Variants in MICU2 observed in about 807,000 individuals in gnomAD.
The protein encoded by MICU2 is calcium uptake protein 2, mitochondrial.
Under a neutral mutation model 60.4 loss-of-function variants are expected in MICU2, and 64 were observed. The observed-to-expected ratio is 1.06, with a 90% CI of 0.87 to 1.31. MICU2 has a LOEUF of 1.31. Ranked by LOEUF, MICU2 falls within the 50% of genes most tolerant of loss-of-function variation. The pLI is 0.00. For synonymous variants in MICU2, 201 were observed against 175.0 expected, an observed-to-expected ratio of 1.15 and a Z score of -1.17; for missense variants, 569 against 531.0, an observed-to-expected ratio of 1.07 and a Z score of -0.70.
intron 1 of MICU2, chr13:21,602,893 A>G (rs1888857601): frequency 6.6e-6 from 1 of 152,262 alleles, no homozygotes; most frequent in East Asian, 1.9e-4. Flanking sequence ...TAAGTCTACA[A>G]AAATTTTAAA....
chr13:21,500,548 G>A (rs1049663210), intron 9 of MICU2, among the ~76,000 whole-genome samples: 4 of 151,008 alleles, frequency 2.6e-5, no homozygotes, highest in Admixed American at 2.0e-4. Flanking sequence ...CTGAGTAGCT[G>A]GGACTACAGG....
At chr13:21,574,304 G>A (rs1888177248) in intron 1 of MICU2, among the ~76,000 whole-genome samples, 1 of 152,190 alleles carries the variant, frequency 6.6e-6, no homozygotes, top group Admixed American at 6.5e-5. Flanking sequence ...AGGAGCAGAA[G>A]AAATGCTGGG....
chr13:21,527,062 C>CA (rs1319105465), intron 4 of MICU2, among the ~76,000 whole-genome samples: 3 of 151,852 alleles, frequency 2.0e-5, no homozygotes, highest in African/African-American at 7.3e-5. Context: ...TTTGAATTAC[C>CA]AACTTTTTGT....
chr13:21,501,410 CT>C (rs1886153664), intron 9 of MICU2, among the ~76,000 whole-genome samples: 1 of 152,024 alleles, frequency 6.6e-6, no homozygotes, highest in South Asian at 2.1e-4. Flanking sequence ...CTACAGGCAC[CT>C]GCCACCATGC....
chr13:21,532,936 C>T (rs935429600), intron 4 of MICU2, among the ~76,000 whole-genome samples: 4 of 151,750 alleles, frequency 2.6e-5, no homozygotes, highest in African/African-American at 9.7e-5. Flanking sequence ...TTTAAGTTTA[C>T]ATAAGGTAGG....
At chr13:21,566,500 A>ATT (rs374021304) in intron 2 of MICU2, among the ~76,000 whole-genome samples, 4 of 147,078 alleles carry the variant, frequency 2.7e-5, no homozygotes, top group Admixed American at 6.8e-5. Context: ...ATCTAGTTTC[A>ATT]TTTTTTTTTT....
rs532503991 is a variant in MICU2 at position 21,536,338 on chromosome 13, AT to A, written c.466+2963del. Reference sequence around the variant, plus strand: ...AAACTTATTCTCAATTTAAAACTAAATTTTTTTTTTTTTGAGACACGGTCTT... The same window carrying A: ...AAACTTATTCTCAATTTAAAACTAAATTTTTTTTTTTTGAGACACGGTCTT... On this transcript the variant is annotated intron_variant, in intron 4 of 11. Transcript: ENST00000382374. Among the ~76,000 whole-genome samples, 497 of 146,176 alleles carry A rather than the reference AT, an allele frequency of 3.4e-3. 5 individuals carry two copies. The highest frequency in any genetic ancestry group is 0.018 in the East Asian group (89 of 5,028).
chr13:21,531,716 G>T (rs553433114), intron 4 of MICU2, among the ~76,000 whole-genome samples: 3 of 152,222 alleles, frequency 2.0e-5, no homozygotes, highest in African/African-American at 4.8e-5. Context: ...AGTAAGCAGG[G>T]AATACAATAC....
intron 4 of MICU2, chr13:21,530,701 G>A: frequency 2.4e-6 from 1 of 421,926 alleles, no homozygotes; most frequent in East Asian, 4.8e-5. Flanking sequence ...CCACTGAGGG[G>A]GTCGGGGAGG....
At chr13:21,496,618 C>G (rs1886003601) in intron 9 of MICU2, 1 of 158,118 alleles carries the variant, frequency 6.3e-6, no homozygotes, top group Admixed American at 6.3e-5. Flanking sequence ...CGGTTCTGCC[C>G]TTTATAACGT....
At chr13:21,597,707 G>A (rs917453930) in intron 1 of MICU2, among the ~76,000 whole-genome samples, 1 of 152,018 alleles carries the variant, frequency 6.6e-6, no homozygotes, top group East Asian at 1.9e-4. Context: ...CGAGGCGGGT[G>A]GATCACGAGG....
chr13:21,521,523 C>A lies in MICU2; in HGVS notation c.515-196G>T, dbSNP rs146811578. Reference sequence around the variant, plus strand: ...GCTTTGTTCCCTGCCTTCTTCAACACTCTTTCCATAGGTGCTGCTGCTCTG... The same window carrying A: ...GCTTTGTTCCCTGCCTTCTTCAACAATCTTTCCATAGGTGCTGCTGCTCTG... On this transcript the variant is annotated intron_variant, in intron 5 of 11. Transcript: ENST00000382374. Among the ~76,000 whole-genome samples, 424 of 152,298 alleles carry A rather than the reference C, an allele frequency of 2.8e-3. 2 individuals carry two copies. The highest frequency in any genetic ancestry group is 9.6e-3 in the African/African-American group (400 of 41,558).
chr13:21,558,619 C>T (rs530550526), intron 2 of MICU2, among the ~76,000 whole-genome samples: 21 of 152,270 alleles, frequency 1.4e-4, no homozygotes, highest in African/African-American at 5.1e-4. Context: ...CTGTTGCCCA[C>T]ACCCTCCACT....
intron 8 of MICU2, among the ~76,000 whole-genome samples, chr13:21,508,420 G>A (rs575862303): frequency 1.3e-5 from 2 of 152,232 alleles, no homozygotes; most frequent in South Asian, 2.1e-4. Flanking sequence ...CACCACACCC[G>A]GCCCAAGGCT....
intron 8 of MICU2, among the ~76,000 whole-genome samples, chr13:21,509,790 A>G (rs1409478044): frequency 6.6e-6 from 1 of 152,236 alleles, no homozygotes; most frequent in African/African-American, 2.4e-5. Flanking sequence ...AACAGATACT[A>G]CTTTCTATAG....
chr13:21,548,051 A>C (rs1887456401), intron 2 of MICU2, among the ~76,000 whole-genome samples: 1 of 152,258 alleles, frequency 6.6e-6, no homozygotes, highest in South Asian at 2.1e-4. Context: ...ACAGTGAAAA[A>C]ATAGACAAAT....
rs1885902051 is a variant in MICU2 at position 21,493,154 on chromosome 13, A to G, written c.*95T>C. ...ACATGCTTATTTCACACAGAATATCAATGAAGACTTAAGAAGATAAATAGC... is the reference window on the plus strand; with the variant it reads ...ACATGCTTATTTCACACAGAATATCGATGAAGACTTAAGAAGATAAATAGC... On this transcript the variant is annotated 3_prime_UTR_variant, in exon 12 of 12. Transcript: ENST00000382374. The G allele has an allele frequency of 8.9e-6, 6 of 676,450 alleles. No homozygotes were observed. Among genetic ancestry groups the G allele is most frequent in the Non-Finnish European group, 1.4e-5 (6 of 425,744 alleles). 41.9% of individuals were successfully genotyped at this position (676,450 alleles called of 1,614,324 possible).
chr13:21,575,720 ACTCT>A (rs1445695725), intron 1 of MICU2, among the ~76,000 whole-genome samples: 1 of 104,496 alleles, frequency 9.6e-6, no homozygotes, highest in Non-Finnish European at 1.8e-5. Context: ...ACAGAGTGAG[ACTCT>A]GTCTCAAAAA....
At chr13:21,554,221 G>A (rs1315012469) in intron 2 of MICU2, among the ~76,000 whole-genome samples, 4 of 152,144 alleles carry the variant, frequency 2.6e-5, no homozygotes, top group East Asian at 1.9e-4. Context: ...CAAATCAACA[G>A]AATATACATT....
Sources: allele counts gnomAD v4.1 joint callset (sites outside exome capture counted in the v4.1 genomes callset), GRCh38; gene constraint gnomAD v4.1.1; transcripts MANE v1.5; gene names NCBI Gene and HGNC (gene_info 2026-07-23, HGNC 2026-07-21).